Variants in AGPS observed in about 807,000 individuals in gnomAD.
AGPS encodes alkyldihydroxyacetonephosphate synthase, peroxisomal.
A neutral mutation model predicts 90.7 loss-of-function variants in AGPS; 26 were observed. The ratio of observed to expected loss-of-function variants is 0.29; its 90% CI spans 0.21 to 0.40. The LOEUF is 0.40. Ranked by LOEUF, AGPS falls within the 10% of genes least tolerant of loss-of-function variation. The probability of loss-of-function intolerance (pLI) is 1.00; values close to 1 mark genes in which losing one functional copy is unlikely to be tolerated. For synonymous variants in AGPS, 294 were observed against 285.3 expected, an observed-to-expected ratio of 1.03 and a Z score of -0.31; for missense variants, 540 against 816.1, an observed-to-expected ratio of 0.66 and a Z score of 4.12.
At chr2:177,419,603 G>A (rs1030009429) in intron 1 of AGPS, among the ~76,000 whole-genome samples, 1 of 151,792 alleles carries the variant, frequency 6.6e-6, no homozygotes, top group Admixed American at 6.6e-5. Context: ...AAATATTGGT[G>A]TTTTGCAAAT....
chr2:177,395,654 A>G (rs747177533), intron 1 of AGPS, among the ~76,000 whole-genome samples: 1 of 152,254 alleles, frequency 6.6e-6, no homozygotes, highest in Non-Finnish European at 1.5e-5. Flanking sequence ...AGGAAGAAGG[A>G]ACCACAGTAT....
chr2:177,469,137 T>C (rs1237961817), intron 10 of AGPS, among the ~76,000 whole-genome samples: 4 of 152,122 alleles, frequency 2.6e-5, no homozygotes, highest in Admixed American at 6.5e-5. Flanking sequence ...TATGTAGGCA[T>C]GGTGAATTGT....
chr2:177,502,597 G>A (rs1205726222), intron 14 of AGPS, among the ~76,000 whole-genome samples: 1 of 150,938 alleles, frequency 6.6e-6, no homozygotes, highest in Non-Finnish European at 1.5e-5. Context: ...TTGTGTGTAT[G>A]TGTGTGTGTG....
Position 177,540,091 on chromosome 2 carries a change from ATAT to A in AGPS, c.*1897_*1899del, listed in dbSNP as rs1196057408. 3 of 129,472 alleles carry A rather than the reference ATAT, an allele frequency of 2.3e-5. No homozygotes were observed. The highest frequency in any genetic ancestry group is 8.1e-5 in the African/African-American group (3 of 36,814). 8.0% of individuals were successfully genotyped at this position (129,472 alleles called of 1,614,324 possible). A position where few individuals can be genotyped will look rare whatever the true frequency, so the allele number is the denominator to read the frequency against. On this transcript the variant is annotated 3_prime_UTR_variant, in exon 20 of 20. Transcript: ENST00000264167. Reference sequence around the variant, plus strand: ...TGTGTGTGTATATATATATATATATATATGTATATGTTTCTGAGTAATTTTTAA... The same window carrying A: ...TGTGTGTGTATATATATATATATATAGTATATGTTTCTGAGTAATTTTTAA...
intron 1 of AGPS, among the ~76,000 whole-genome samples, chr2:177,409,673 T>A (rs1685564655): frequency 6.6e-6 from 1 of 152,164 alleles, no homozygotes; most frequent in African/African-American, 2.4e-5. Context: ...GTAGGGGTCA[T>A]GCAGTTCAGA....
At chr2:177,395,774 A>G (rs548737018) in intron 1 of AGPS, among the ~76,000 whole-genome samples, 1 of 152,206 alleles carries the variant, frequency 6.6e-6, no homozygotes, top group Non-Finnish European at 1.5e-5. Flanking sequence ...ATTGCTTGTA[A>G]TTGTTTTATC....
chr2:177,428,214 G>A (rs894830240), intron 2 of AGPS, among the ~76,000 whole-genome samples: 1 of 152,118 alleles, frequency 6.6e-6, no homozygotes, highest in African/African-American at 2.4e-5. Context: ...TTGAGTTCAT[G>A]TGTGTCTTTG....
rs554403708 is a variant in AGPS at position 177,450,346 on chromosome 2, C to T, written c.870+4720C>T. Among the ~76,000 whole-genome samples the T allele has an allele frequency of 1.6e-3, 248 of 152,220 alleles. 1 individual carries two copies. The highest frequency in any genetic ancestry group is 3.2e-3 in the Non-Finnish European group (217 of 68,004). ...CCAGTGTATTAATTTGTCTTTCTAT[C>T]ATGCTTCTGCTGTTGTGTCATAATG... On this transcript the variant is annotated intron_variant, in intron 8 of 19. Coordinates refer to ENST00000264167, the MANE Select transcript of AGPS (RefSeq NM_003659.4).
At chr2:177,505,418 A>T in intron 14 of AGPS, 88 bp from the exon 15 acceptor site, 2 of 1,197,286 alleles carry the variant, frequency 1.7e-6, no homozygotes, top group Non-Finnish European at 2.5e-6. Flanking sequence ...TTGTTATTCA[A>T]ACTTATTCTC....
At chr2:177,457,101 A>G (rs980955178) in intron 8 of AGPS, among the ~76,000 whole-genome samples, 1 of 152,224 alleles carries the variant, frequency 6.6e-6, no homozygotes, top group Non-Finnish European at 1.5e-5. Context: ...TACTGGGTAG[A>G]TAACGAAATG....
At position 177,482,218 on chromosome 2, in the gene AGPS, T is replaced by C. The variant is rs1469518996; in HGVS notation, c.1233+32T>C. ...GAAAAAATATATATATATACATACATACATATATGTTTATGTATTTATATT... is the reference window on the plus strand; with the variant it reads ...GAAAAAATATATATATATACATACACACATATATGTTTATGTATTTATATT... On this transcript the variant is annotated intron_variant, in intron 11 of 19. Transcript: ENST00000264167. 3.4e-6 allele frequency: 4 copies of C among 1,163,920 alleles called. No homozygotes were observed. In the Admixed American group the frequency reaches 6.5e-5, roughly 19 times the overall value. The allele number at this position is 1,163,920 out of a possible 1,614,324, so 72.1% of individuals were successfully genotyped here.
At chr2:177,433,870 G>T (rs1462306526) in intron 2 of AGPS, among the ~76,000 whole-genome samples, 1 of 151,948 alleles carries the variant, frequency 6.6e-6, no homozygotes, top group African/African-American at 2.4e-5. Context: ...AGAGCTGATA[G>T]ATTGGTTCCT....
At position 177,396,328 on chromosome 2, in the gene AGPS, C is replaced by T. The variant is rs116861127; in HGVS notation, c.260+3279C>T. Among the ~76,000 whole-genome samples, 612 of 152,300 alleles carry T rather than the reference C, an allele frequency of 4.0e-3. 5 individuals carry two copies. Among genetic ancestry groups the T allele is most frequent in the East Asian group, 0.032 (167 of 5,190 alleles). Reference sequence around the variant, plus strand: ...TGGGTTATCAGTCCATTCGTTCATGCATTCATTCATGCTTATAAAATATAG... The same window carrying T: ...TGGGTTATCAGTCCATTCGTTCATGTATTCATTCATGCTTATAAAATATAG... On this transcript the variant is annotated intron_variant, in intron 1 of 19. Transcript: ENST00000264167.
At chr2:177,516,501 G>A (rs941617843) in intron 17 of AGPS, among the ~76,000 whole-genome samples, 1 of 152,108 alleles carries the variant, frequency 6.6e-6, no homozygotes, top group Non-Finnish European at 1.5e-5. Context: ...TTGATCTATT[G>A]TAAAAGGTGT....
chr2:177,447,802 C>A (rs1308112529), intron 8 of AGPS, among the ~76,000 whole-genome samples: 1 of 152,022 alleles, frequency 6.6e-6, no homozygotes, highest in African/African-American at 2.4e-5. Flanking sequence ...AAAAGTTCTT[C>A]CTCATTAAAC....
At chr2:177,537,922 C>T in intron 19 of AGPS, 152 bp from the exon 20 acceptor site, 1 of 1,052,948 alleles carries the variant, frequency 9.5e-7, no homozygotes, top group Non-Finnish European at 1.4e-6. Context: ...GCTTGATAGT[C>T]TGGTGGGCTC....
intron 3 of AGPS, among the ~76,000 whole-genome samples, chr2:177,434,997 G>GTGTATATATA (rs1553509326): frequency 7.8e-6 from 1 of 128,160 alleles, no homozygotes; most frequent in Non-Finnish European, 1.6e-5. Context: ...TAAACTGTAG[G>GTGTATATATA]TATATATATA....
At chr2:177,484,512 T>C (rs1399869947) in intron 11 of AGPS, among the ~76,000 whole-genome samples, 1 of 151,886 alleles carries the variant, frequency 6.6e-6, no homozygotes, top group East Asian at 1.9e-4. Flanking sequence ...CCCAGCAGAT[T>C]TTTTTGTATT....
rs527621321 is a variant in AGPS at position 177,492,183 on chromosome 2, G to A, written c.1234-965G>A. 8.5e-5 allele frequency among the ~76,000 whole-genome samples: 13 copies of A among 152,340 alleles called. No individual in the cohort carries two copies. In the Middle Eastern group the frequency reaches 0.01, roughly 120 times the overall value. The stretch of plus-strand genomic sequence containing the variant: ...CGGTAGAATGTGGTTGTTAGCAGGA[G>A]ATGGAATTTACAAGTTGCTGGTAGG... On this transcript the variant is annotated intron_variant, in intron 11 of 19. Coordinates refer to ENST00000264167, the MANE Select transcript of AGPS (RefSeq NM_003659.4).
Sources: allele counts gnomAD v4.1 joint callset (sites outside exome capture counted in the v4.1 genomes callset), GRCh38; gene constraint gnomAD v4.1.1; transcripts MANE v1.5; gene names NCBI Gene and HGNC (gene_info 2026-07-23, HGNC 2026-07-21).